The following DNAH10 variants were observed in gnomAD, a reference collection of about 807,000 sequenced individuals.
DNAH10 encodes axonemal beta dynein heavy chain 10.
A neutral mutation model predicts 506.6 loss-of-function variants in DNAH10; 348 were observed. The ratio of observed to expected loss-of-function variants is 0.69; its 90% CI spans 0.63 to 0.75. DNAH10 has a LOEUF of 0.75. Ranked by LOEUF, DNAH10 falls within the 30% of genes least tolerant of loss-of-function variation. The probability of loss-of-function intolerance (pLI) is 0.00; values close to 1 mark genes in which losing one functional copy is unlikely to be tolerated. For synonymous variants in DNAH10, 2,059 were observed against 2,198.6 expected (o/e 0.94, Z 1.78); for missense variants, 5,179 against 5,787.1 (o/e 0.89, Z 3.41).
Position 123,857,130 on chromosome 12 carries a change from T to C in DNAH10, c.6513T>C (p.Leu2171=). 1 of 1,612,776 alleles carries C rather than the reference T, an allele frequency of 6.2e-7. No individual in the cohort carries two copies. The highest frequency in any genetic ancestry group is 8.5e-7 in the Non-Finnish European group (1 of 1,179,404). The change falls in exon 37 of 79, where the codon CTT becomes CTC. Residue 2171 remains leucine, a synonymous_variant. Coordinates refer to ENST00000673944, the MANE Select transcript of DNAH10 (RefSeq NM_001372106.1). The part of the protein sequence containing the change: ...KFVFEDVPLF[L]GLISDLFPGL... ...TGTTTGAAGATGTTCCTCTTTTCCTTGGTTTGATTTCGGATCTGTTTCCTG... is the reference window on the plus strand; with the variant it reads ...TGTTTGAAGATGTTCCTCTTTTCCTCGGTTTGATTTCGGATCTGTTTCCTG...
At chr12:123,923,980 C>A in intron 66 of DNAH10, 113 bp downstream of exon 66, 1 of 828,304 alleles carries the variant, frequency 1.2e-6, no homozygotes. Context: ...AACTTGGCTT[C>A]CAACAGCACT....
At chr12:123,775,837 T>C (rs539000983) in intron 5 of DNAH10, among the ~76,000 whole-genome samples, 43 of 152,320 alleles carry the variant, frequency 2.8e-4, no homozygotes, top group African/African-American at 1.0e-3. Flanking sequence ...TTCATGCTGC[T>C]GTAGGGAACT....
chr12:123,931,313 C>G (rs781702371), intron 73 of DNAH10, 28 bp from the exon 74 acceptor site: 4 of 1,611,066 alleles, frequency 2.5e-6, no homozygotes, highest in Non-Finnish European at 3.4e-6. Flanking sequence ...CTGGACAGTG[C>G]CACCTCCGTT....
intron 51 of DNAH10, among the ~76,000 whole-genome samples, chr12:123,885,130 G>A (rs1367725023): frequency 3.3e-5 from 5 of 152,224 alleles, no homozygotes; most frequent in Non-Finnish European, 7.3e-5. Flanking sequence ...TGCTGAAAGT[G>A]TAGCACTTTT....
intron 65 of DNAH10, among the ~76,000 whole-genome samples, chr12:123,920,861 C>T (rs1208316109): frequency 6.6e-6 from 1 of 152,208 alleles, no homozygotes; most frequent in Non-Finnish European, 1.5e-5. Context: ...CCTCCACCTC[C>T]CAGGCTCAAG....
chr12:123,879,313 A>C lies in DNAH10; in HGVS notation c.8422A>C (p.Arg2808=). Residue 2808 remains arginine, a synonymous_variant, in exon 49 of 79, where the codon AGA becomes CGA. Coordinates refer to ENST00000673944, the MANE Select transcript of DNAH10 (RefSeq NM_001372106.1). ...MVRVWRNECL[R]VFHDRLISET... The stretch of plus-strand genomic sequence containing the variant: ...GAGAGTCTGGAGGAATGAGTGTCTG[A>C]GAGTCTTCCACGACCGGCTGATCAG... 1.9e-6 allele frequency: 3 copies of C among 1,579,866 alleles called. No homozygotes were observed. Among genetic ancestry groups the C allele is most frequent in the Non-Finnish European group, 2.6e-6 (3 of 1,162,374 alleles).
At chr12:123,771,849 T>A (rs150331875) in intron 3 of DNAH10, among the ~76,000 whole-genome samples, 151 bp downstream of exon 3, 1 of 152,186 alleles carries the variant, frequency 6.6e-6, no homozygotes, top group Non-Finnish European at 1.5e-5. Context: ...ATTCAGTGAT[T>A]GGCTGGAAGG....
At chr12:123,797,643 C>A (rs528688109) in intron 13 of DNAH10, among the ~76,000 whole-genome samples, 1 of 152,346 alleles carries the variant, frequency 6.6e-6, no homozygotes, top group East Asian at 1.9e-4. Flanking sequence ...GCAATCTGTC[C>A]ACCTCGGCCT....
intron 5 of DNAH10, among the ~76,000 whole-genome samples, chr12:123,779,150 G>A (rs911787876): frequency 6.6e-6 from 1 of 151,976 alleles, no homozygotes; most frequent in African/African-American, 2.4e-5. Flanking sequence ...CGATTCACCC[G>A]CCTCGGCTTC....
intron 47 of DNAH10, among the ~76,000 whole-genome samples, chr12:123,876,560 G>A (rs1341455867): frequency 6.6e-6 from 1 of 152,180 alleles, no homozygotes; most frequent in African/African-American, 2.4e-5. Context: ...TTGAACCTGG[G>A]AGGTGAAGGC....
chr12:123,839,836 T>C (rs1413234771), intron 29 of DNAH10, among the ~76,000 whole-genome samples: 1 of 152,050 alleles, frequency 6.6e-6, no homozygotes, highest in Admixed American at 6.6e-5. Flanking sequence ...TTTGTTATGA[T>C]TCCTTCCAGA....
chr12:123,926,809 G>A lies in DNAH10; in HGVS notation c.12094G>A (p.Gly4032Ser), dbSNP rs1418254596. ...NRLKFLAMGQ[G>S]QEKVALQLLE... ...CCTCAAATTCCTTGCAATGGGTCAA[G>A]GTCAAGAAAAGGTAATTTGTGGCTG... The change falls in exon 69 of 79, where the codon GGT becomes AGT. Residue 4032 changes from glycine to serine, a missense_variant. Physicochemically the swap from Gly to Ser is moderately conservative, Grantham distance 56 (BLOSUM62 0). Coordinates refer to ENST00000673944, the MANE Select transcript of DNAH10 (RefSeq NM_001372106.1). The surrounding 1 kb of genome is among the most constrained non-coding windows in gnomAD (Gnocchi z 4.1). 6.2e-7 allele frequency: 1 copy of A among 1,613,770 alleles called. No homozygotes were observed. The highest frequency in any genetic ancestry group is 1.3e-5 in the African/African-American group (1 of 74,916).
At chr12:123,872,532 C>G (rs1169535839) in intron 45 of DNAH10, among the ~76,000 whole-genome samples, 1 of 152,174 alleles carries the variant, frequency 6.6e-6, no homozygotes, top group African/African-American at 2.4e-5. Context: ...ACACGTTCAG[C>G]TCATGTGCAC....
At chr12:123,899,479 C>A (rs1953417816) in intron 56 of DNAH10, among the ~76,000 whole-genome samples, 1 of 152,184 alleles carries the variant, frequency 6.6e-6, no homozygotes, top group African/African-American at 2.4e-5. Flanking sequence ...CGTGTTGCTG[C>A]TAAGTGTCAT....
intron 51 of DNAH10, among the ~76,000 whole-genome samples, chr12:123,883,759 G>T (rs1291896269): frequency 3.3e-5 from 5 of 152,126 alleles, no homozygotes; most frequent in Non-Finnish European, 7.4e-5. Context: ...TGCTTGAATT[G>T]TTGCAATGAG....
In DNAH10 at chr12:123,932,126, G is replaced by A. The variant is rs755064913; in HGVS notation, c.13296+18G>A. ...TGTTGTGGGTAAGTGGCACGTCACC[G>A]CCTCCTCTCTGCCGATTCAGGTGTC... On this transcript the variant is annotated intron_variant, in intron 76 of 78. Transcript: ENST00000673944. 2 of 1,612,432 alleles carry A rather than the reference G, an allele frequency of 1.2e-6. No homozygotes were observed. The highest frequency in any genetic ancestry group is 1.7e-6 in the Non-Finnish European group (2 of 1,179,732).
At chr12:123,844,530 A>G (rs937294052) in intron 30 of DNAH10, among the ~76,000 whole-genome samples, 2 of 152,156 alleles carry the variant, frequency 1.3e-5, no homozygotes, top group Non-Finnish European at 2.9e-5. Context: ...TTAAGGGAGG[A>G]TGAGATGTTT....
rs550167972 is a variant in DNAH10, at chr12:123,847,963, G to A, written c.5817G>A (p.Ala1939=). 41 of 1,608,852 alleles carry A rather than the reference G, an allele frequency of 2.5e-5. No individual in the cohort carries two copies. The highest frequency in any genetic ancestry group is 1.3e-4 in the East Asian group (6 of 44,822). The change falls in exon 33 of 79, where the codon GCG becomes GCA. Residue 1939 remains alanine, a splice_region_variant and synonymous_variant. Coordinates refer to ENST00000673944, the MANE Select transcript of DNAH10 (RefSeq NM_001372106.1). ...TDRIYLTLTQ[A]LSMYLGGAPA... ...GTTTTGCATTTGGCTTATAACAGGC[G>A]CTGTCCATGTATCTAGGTGGGGCCC...
Position 123,935,552 on chromosome 12 carries a change from T to C in DNAH10, c.*71T>C. On this transcript the variant is annotated 3_prime_UTR_variant, in exon 79 of 79. Transcript: ENST00000673944. ...GTCAGAGTGATCGGGTCTGCTGTCATTTCTTGGGGCCTCTCAAGAGGCAGG... is the reference window on the plus strand; with the variant it reads ...GTCAGAGTGATCGGGTCTGCTGTCACTTCTTGGGGCCTCTCAAGAGGCAGG... 6.8e-7 allele frequency: 1 copy of C among 1,472,984 alleles called. No homozygotes were observed. Among genetic ancestry groups the C allele is most frequent in the Non-Finnish European group, 9.2e-7 (1 of 1,088,308 alleles). The allele number at this position is 1,472,984 out of a possible 1,614,324, so 91.2% of individuals were successfully genotyped here. A position where few individuals can be genotyped will look rare whatever the true frequency, so the allele number is the denominator to read the frequency against.
Sources: allele counts gnomAD v4.1 joint callset (sites outside exome capture counted in the v4.1 genomes callset), GRCh38; gene constraint gnomAD v4.1.1; non-coding constraint Gnocchi (gnomAD v3.1); transcripts MANE v1.5; gene names NCBI Gene and HGNC (gene_info 2026-07-23, HGNC 2026-07-21).